Variants in TTN observed in about 807,000 individuals in gnomAD.
TTN encodes connectin.
In TTN, 1,525 loss-of-function variants were observed where a neutral mutation model predicts 3,223.0. The ratio of observed to expected loss-of-function variants is 0.47; its 90% CI spans 0.45 to 0.49. The LOEUF is 0.49. Ranked by LOEUF, TTN falls within the 20% of genes least tolerant of loss-of-function variation. TTN has a pLI of 0.00. For missense variants in TTN, 40,786 were observed against 43,424.0 expected (o/e 0.94, Z 5.40); for synonymous variants, 14,094 against 15,161.0 (o/e 0.93, Z 5.17).
chr2:178,530,704 G>T lies in TTN; in HGVS notation c.105911C>A (p.Thr35304Asn). The change falls in exon 358 of 363, where the codon ACC (threonine) becomes AAC (asparagine). Residue 35304 changes from threonine (T) to asparagine (N), a missense_variant. Transcript: ENST00000589042. ...TAATACACTGCTTTCAACCACACAG[G>T]TCAGTTTTGCAATCTCTTTAGAAGC... ...AEASKEIAKL[T>N]CVVESSVLRA... 6.2e-7 allele frequency: 1 copy of T among 1,613,848 alleles called. No individual in the cohort carries two copies. Among genetic ancestry groups the T allele is most frequent in the Non-Finnish European group, 8.5e-7 (1 of 1,179,870 alleles).
At position 178,774,937 on chromosome 2, in the gene TTN, A is replaced by C; in HGVS notation, c.6774T>G (p.Ala2258=). 6 of 1,613,820 alleles carry C rather than the reference A, an allele frequency of 3.7e-6. No individual in the cohort carries two copies. The highest frequency in any genetic ancestry group is 5.1e-6 in the Non-Finnish European group (6 of 1,179,886). ...GTTGAATACCTTCAACAATAAGTTT[A>C]GCAGTCGTTTTGACATTTTCATCTT... ...LVEDENVKTT[A]KLIVEGAVVE... Residue 2258 remains alanine (A), a synonymous_variant, in exon 29 of 363, where the codon GCT becomes GCG. Coordinates refer to ENST00000589042, the MANE Select transcript of TTN (RefSeq NM_001267550.2).
rs770681247 is a variant in TTN, at chr2:178,530,427, A to T, written c.106188T>A (p.Asp35396Glu). The change falls in exon 358 of 363, where the codon GAT (aspartate) becomes GAA (glutamate). Residue 35396 changes from aspartate to glutamate, a missense_variant. Coordinates refer to ENST00000589042, the MANE Select transcript of TTN (RefSeq NM_001267550.2). ...VSKISETKKSDQKTTESTVTR... is the reference protein window; with the variant it reads ...VSKISETKKSEQKTTESTVTR... ...TTACTGTTGACTCAGTGGTTTTCTG[A>T]TCTGATTTCTTAGTTTCTGATATTT... The T allele has an allele frequency of 2.5e-6, 4 of 1,613,910 alleles. No homozygotes were observed. Among genetic ancestry groups the T allele is most frequent in the Middle Eastern group, 1.6e-4 (1 of 6,062 alleles).
At position 178,531,684 on chromosome 2, in the gene TTN, G is replaced by T; in HGVS notation, c.104931C>A (p.His34977Gln). The T allele has an allele frequency of 6.2e-7, 1 of 1,613,966 alleles. No homozygotes were observed. Among genetic ancestry groups the T allele is most frequent in the Non-Finnish European group, 8.5e-7 (1 of 1,179,870 alleles). Residue 34977 changes from histidine to glutamine, a missense_variant, in exon 358 of 363, where the codon CAC becomes CAA. Transcript: ENST00000589042. Reference protein sequence around the residue: ...SKPTAEVKWYHNGVELQESSK... With the variant: ...SKPTAEVKWYQNGVELQESSK... ...TGCTTTCTTGGAGTTCCACACCATT[G>T]TGGTACCATTTAACCTCGGCAGTTG...
intron 222 of TTN, 115 bp downstream of exon 222, chr2:178,639,933 C>A: frequency 6.9e-7 from 1 of 1,455,340 alleles, no homozygotes; most frequent in South Asian, 1.2e-5. Context: ...CATTTTGAGA[C>A]GTTAGAAATC....
intron 273 of TTN, 39 bp from the exon 274 acceptor site, chr2:178,608,947 TG>T: frequency 6.3e-7 from 1 of 1,584,918 alleles, no homozygotes; most frequent in Non-Finnish European, 8.5e-7. Context: ...AAAATTTGTG[TG>T]GGAAGGGTTG....
chr2:178,627,030 G>T (rs1265142611), intron 240 of TTN, among the ~76,000 whole-genome samples: 2 of 151,856 alleles, frequency 1.3e-5, no homozygotes, highest in Non-Finnish European at 2.9e-5. Flanking sequence ...TGAAGATTTT[G>T]CAGTAGATTG....
At position 178,532,594 on chromosome 2, in the gene TTN, T is replaced by G. The variant is rs750317058; in HGVS notation, c.104021A>C (p.Lys34674Thr). Residue 34674 changes from lysine (K) to threonine (T), a missense_variant, in exon 358 of 363, where the codon AAA (lysine) becomes ACA (threonine). Transcript: ENST00000589042. ...ACGCAGCCTCTCTTCCTCTGTTCTT[T>G]TCATTGCTAAGTAGTCATCAATGGG... is the stretch of plus-strand genomic sequence containing the variant. Reference protein sequence around the residue: ...LLPIDDYLAMKRTEEERLRLE... With the variant: ...LLPIDDYLAMTRTEEERLRLE... The G allele has an allele frequency of 2.5e-6, 4 of 1,613,970 alleles. No homozygotes were observed. The East Asian group carries it at 8.9e-5, about 36-fold the overall frequency.
In TTN at chr2:178,631,079, A is replaced by C. The variant is rs772937665; in HGVS notation, c.43969T>G (p.Cys14657Gly). 1.4e-5 allele frequency: 23 copies of C among 1,613,320 alleles called. No homozygotes were observed. The highest frequency in any genetic ancestry group is 1.9e-5 in the Non-Finnish European group (23 of 1,179,590). ...GAGGTCTTATCTGTCCCACAGTCAC[A>C]GGTGTACTGTCCAATATCTGATTTC... The part of the protein sequence containing the change: ...ALKSDIGQYT[C>G]DCGTDKTSGK... Residue 14657 changes from cysteine (C) to glycine (G), a missense_variant, in exon 237 of 363, where the codon TGT (cysteine) becomes GGT (glycine). Transcript: ENST00000589042.
rs1185870432 is a variant in TTN at position 178,649,559 on chromosome 2, G to A, written c.39968C>T (p.Ala13323Val). Residue 13323 changes from alanine (A) to valine (V), a missense_variant, in exon 212 of 363, where the codon GCT becomes GTT. Transcript: ENST00000589042. ...PTVKKPETPAAKVPEVPKKLV... is the reference protein window; with the variant it reads ...PTVKKPETPAVKVPEVPKKLV... Reference sequence around the variant, plus strand: ...GCCAACGATGAAGTGAATACCTTTAGCTGCTGGTGTTTCTGGCTTCTTAAC... The same window carrying A: ...GCCAACGATGAAGTGAATACCTTTAACTGCTGGTGTTTCTGGCTTCTTAAC... The A allele has an allele frequency of 6.5e-7, 1 of 1,549,610 alleles. No homozygotes were observed. Among genetic ancestry groups the A allele is most frequent in the Admixed American group, 2.0e-5 (1 of 50,938 alleles).
intron 213 of TTN, among the ~76,000 whole-genome samples, chr2:178,648,332 T>C (rs1050616408): frequency 3.9e-5 from 6 of 152,130 alleles, no homozygotes; most frequent in Admixed American, 3.3e-4. Flanking sequence ...TTGACAATCC[T>C]TGAACATTCT....
chr2:178,582,795 A>T (rs2048083896), intron 313 of TTN, 145 bp downstream of exon 313: 1 of 928,288 alleles, frequency 1.1e-6, no homozygotes, highest in Admixed American at 3.5e-5. Flanking sequence ...TTAACTCTAA[A>T]ACGTGGTTCT....
chr2:178,571,079 A>G lies in TTN; in HGVS notation c.75053T>C (p.Val25018Ala), dbSNP rs745832906. Residue 25018 changes from valine to alanine, a missense_variant, in exon 326 of 363, where the codon GTC (valine) becomes GCC (alanine). By Grantham distance (64) the Val-to-Ala change is moderately conservative (BLOSUM62 0). Transcript: ENST00000589042. The stretch of plus-strand genomic sequence containing the variant: ...CTGAAGAGTCACAGAATTCCTTGTG[A>G]CAATGATTGCCTCTGGCCGTCCTGG... Reference protein sequence around the residue: ...DPPGRPEAIIVTRNSVTLQWK... With the variant: ...DPPGRPEAIIATRNSVTLQWK... The G allele has an allele frequency of 2.9e-5, 46 of 1,612,978 alleles. No homozygotes were observed. The highest frequency in any genetic ancestry group is 3.9e-5 in the Non-Finnish European group (46 of 1,179,294).
rs2058867522 is a variant in TTN, at chr2:178,625,319, T to C, written c.44502A>G (p.Gln14834=). 2 of 1,607,834 alleles carry C rather than the reference T, an allele frequency of 1.2e-6. No homozygotes were observed. The highest frequency in any genetic ancestry group is 1.3e-5 in the African/African-American group (1 of 74,560). ...DVKLEDAGEV[Q]LTAKDFKTHA... is the part of the protein sequence containing the mutation. ...GAGTTTTGAAATCTTTTGCTGTTAG[T>C]TGGACTTCCCCAGCATCTTCTAACT... Residue 14834 remains glutamine, a synonymous_variant, in exon 241 of 363, where the codon CAA becomes CAG. Transcript: ENST00000589042.
Position 178,542,698 on chromosome 2 carries a change from C to T in TTN, c.97156G>A (p.Gly32386Arg), listed in dbSNP as rs758534800. Residue 32386 changes from glycine (G) to arginine (R), a missense_variant, in exon 348 of 363, where the codon GGA (glycine) becomes AGA (arginine). By Grantham distance (125) the Gly-to-Arg change is moderately radical (BLOSUM62 -2). Coordinates refer to ENST00000589042, the MANE Select transcript of TTN (RefSeq NM_001267550.2). ...ACTTTAATGGTTTCTGAAGTAGTTCCGGTAACATTCTTCAATTCAAGTGTG... is the reference window on the plus strand; with the variant it reads ...ACTTTAATGGTTTCTGAAGTAGTTCTGGTAACATTCTTCAATTCAAGTGTG... ...EYTLELKNVT[G>R]TTSETIKVII... 63 of 1,613,566 alleles carry T rather than the reference C, an allele frequency of 3.9e-5. No individual in the cohort carries two copies. Among genetic ancestry groups the T allele is most frequent in the African/African-American group, 6.7e-5 (5 of 74,886 alleles).
chr2:178,707,460 A>G (rs1490901488), intron 100 of TTN, 66 bp downstream of exon 100: 5 of 1,481,900 alleles, frequency 3.4e-6, no homozygotes, highest in Non-Finnish European at 4.5e-6. Context: ...TAGGGAAATC[A>G]TAATAAGCAA....
chr2:178,741,779 A>C lies in TTN; in HGVS notation c.11454T>G (p.Thr3818=). The stretch of plus-strand genomic sequence containing the variant: ...ACACTTCTTTGATGAAAATTGGGCC[A>C]GTGCCTTCCTTTTCGGAATCAAATT... The part of the protein sequence containing the change: ...PTKFDSEKEG[T]GPIFIKEVSN... Residue 3818 remains threonine, a synonymous_variant, in exon 48 of 363, where the codon ACT becomes ACG. Transcript: ENST00000589042. 1.2e-6 allele frequency: 2 copies of C among 1,613,552 alleles called. No individual in the cohort carries two copies. The highest frequency in any genetic ancestry group is 8.5e-7 in the Non-Finnish European group (1 of 1,179,714).
intron 240 of TTN, among the ~76,000 whole-genome samples, chr2:178,627,791 T>C (rs941774178): frequency 6.6e-6 from 1 of 152,032 alleles, no homozygotes; most frequent in Non-Finnish European, 1.5e-5. Flanking sequence ...CAAAAAGATA[T>C]TTGGTAATGA....
At position 178,573,815 on chromosome 2, in the gene TTN, T is replaced by G. The variant is rs1386956312; in HGVS notation, c.72317A>C (p.Asn24106Thr). 1.2e-6 allele frequency: 2 copies of G among 1,611,596 alleles called. No homozygotes were observed. Among genetic ancestry groups the G allele is most frequent in the Non-Finnish European group, 1.7e-6 (2 of 1,178,456 alleles). ...AATGTGTTTAGCAAAGCCACCAGGA[T>G]TAGTCGCTGTAAGGGTATAGGCACC... ...DSGAYTLTATNPGGFAKHIFN... is the reference protein window; with the variant it reads ...DSGAYTLTATTPGGFAKHIFN... The change falls in exon 326 of 363, where the codon AAT becomes ACT. Residue 24106 changes from asparagine (N) to threonine (T), a missense_variant. Coordinates refer to ENST00000589042, the MANE Select transcript of TTN (RefSeq NM_001267550.2).
Position 178,593,442 on chromosome 2 carries a change from G to T in TTN, c.58766C>A (p.Thr19589Lys). The change falls in exon 299 of 363, where the codon ACA (threonine) becomes AAA (lysine). Residue 19589 changes from threonine (T) to lysine (K), a missense_variant. Thr to Lys is a moderately conservative substitution (Grantham distance 78, BLOSUM62 -1). Transcript: ENST00000589042. ...TAATGCAGAGTCTTTGGTAACTTCT[G>T]TAACAATTGGCTGATCAGGTGCATC... Reference protein sequence around the residue: ...VPDAPDQPIVTEVTKDSALVT... With the variant: ...VPDAPDQPIVKEVTKDSALVT... 20 of 1,612,832 alleles carry T rather than the reference G, an allele frequency of 1.2e-5. No individual in the cohort carries two copies. Among genetic ancestry groups the T allele is most frequent in the Non-Finnish European group, 1.7e-5 (20 of 1,179,536 alleles).
Sources: allele counts gnomAD v4.1 joint callset (sites outside exome capture counted in the v4.1 genomes callset), GRCh38; gene constraint gnomAD v4.1.1; transcripts MANE v1.5; gene names NCBI Gene and HGNC (gene_info 2026-07-23, HGNC 2026-07-21).